MAML1: variants seen among roughly 807,000 people sequenced by gnomAD.
The protein encoded by MAML1 is mastermind like transcriptional coactivator 1, also known as mastermind-like protein 1.
In MAML1, 14 loss-of-function variants were observed where a neutral mutation model predicts 77.1. The observed-to-expected ratio is 0.18, with a 90% CI of 0.12 to 0.28. The LOEUF (loss-of-function observed/expected upper bound fraction) is 0.28. Among genes scored for constraint, MAML1 ranks in the 10% least tolerant of loss-of-function variants. The probability of loss-of-function intolerance (pLI) is 1.00; values close to 1 mark genes in which losing one functional copy is unlikely to be tolerated. For missense variants in MAML1, 1,217 were observed against 1,327.8 expected (o/e 0.92, Z 1.30); for synonymous variants, 516 against 551.9 (o/e 0.93, Z 0.91).
At chr5:179,760,887 C>A (rs532633607) in intron 1 of MAML1, among the ~76,000 whole-genome samples, 2 of 151,544 alleles carry the variant, frequency 1.3e-5, no homozygotes, top group African/African-American at 4.9e-5. Context: ...GTCAGGAGAT[C>A]GAGACCATCC....
At chr5:179,764,985 TA>T (rs200022624) in intron 1 of MAML1, among the ~76,000 whole-genome samples, 12 of 104,392 alleles carry the variant, frequency 1.1e-4, no homozygotes, top group Admixed American at 6.6e-4. Flanking sequence ...TATATATATA[TA>T]ATATATATAT....
Position 179,733,256 on chromosome 5 carries a change from C to T in MAML1, c.144C>T (p.Arg48=). Reference sequence around the variant, plus strand: ...GCTACGAGGCCGTGTCGCCCGAGCGCCTGGAGCTGGAGCGCCAACACACCT... The same window carrying T: ...GCTACGAGGCCGTGTCGCCCGAGCGTCTGGAGCTGGAGCGCCAACACACCT... The part of the protein sequence containing the change: ...EARYEAVSPE[R]LELERQHTFA... The change falls in exon 1 of 5, where the codon CGC becomes CGT. Residue 48 remains arginine, a synonymous_variant. Coordinates refer to ENST00000292599, the MANE Select transcript of MAML1 (RefSeq NM_014757.5). 1 of 1,471,652 alleles carries T rather than the reference C, an allele frequency of 6.8e-7. No homozygotes were observed. Among genetic ancestry groups the T allele is most frequent in the Non-Finnish European group, 9.0e-7 (1 of 1,114,122 alleles). The allele number at this position is 1,471,652 out of a possible 1,614,324, so 91.2% of individuals were successfully genotyped here.
Position 179,776,595 on chromosome 5 carries a change from C to T in MAML1, c.*1718C>T. The stretch of plus-strand genomic sequence containing the variant: ...GAAAATTTCACCCTCTGAGGGAGTT[C>T]CCCAATCTGAAGGGGAAGAGGGTGA... On this transcript the variant is annotated 3_prime_UTR_variant, in exon 5 of 5. Coordinates refer to ENST00000292599, the MANE Select transcript of MAML1 (RefSeq NM_014757.5). The T allele has an allele frequency of 1.0e-6, 1 of 985,640 alleles. No homozygotes were observed. The highest frequency in any genetic ancestry group is 1.2e-6 in the Non-Finnish European group (1 of 829,956). The allele number at this position is 985,640 out of a possible 1,614,324, so 61.1% of individuals were successfully genotyped here.
intron 4 of MAML1, among the ~76,000 whole-genome samples, chr5:179,772,002 C>T (rs1037922539): frequency 1.4e-4 from 21 of 152,198 alleles, no homozygotes; most frequent in African/African-American, 5.1e-4. Flanking sequence ...AATCTGCAGG[C>T]ATTTCAGAAG....
At chr5:179,737,924 G>A (rs1779203914) in intron 1 of MAML1, among the ~76,000 whole-genome samples, 1 of 103,918 alleles carries the variant, frequency 9.6e-6, no homozygotes, top group African/African-American at 2.8e-5. Flanking sequence ...AGCCTCCTGA[G>A]TAGCTGGGAC....
chr5:179,740,245 G>A (rs1311246460), intron 1 of MAML1, among the ~76,000 whole-genome samples: 1 of 152,136 alleles, frequency 6.6e-6, no homozygotes, highest in Non-Finnish European at 1.5e-5. Flanking sequence ...AAGTGCAGTA[G>A]GAAGCAGTAG....
At chr5:179,736,892 C>T (rs978553133) in intron 1 of MAML1, among the ~76,000 whole-genome samples, 8 of 149,712 alleles carry the variant, frequency 5.3e-5, no homozygotes, top group Admixed American at 1.3e-4. Context: ...ACCTGGGAGA[C>T]GGAGGTTACA....
chr5:179,766,014 G>A lies in MAML1; in HGVS notation c.1004G>A (p.Ser335Asn), dbSNP rs1483912330. Residue 335 changes from serine to asparagine, a missense_variant, in exon 2 of 5, where the codon AGT becomes AAT. Coordinates refer to ENST00000292599, the MANE Select transcript of MAML1 (RefSeq NM_014757.5). The surrounding 1 kb of genome is among the most constrained non-coding windows in gnomAD (Gnocchi z 4.0). Reference sequence around the variant, plus strand: ...CTGGGGCCTTCCTCTGCCCCTGTGAGTACAGATTCCCCCAGCCTAGGGGGC... The same window carrying A: ...CTGGGGCCTTCCTCTGCCCCTGTGAATACAGATTCCCCCAGCCTAGGGGGC... Reference protein sequence around the residue: ...TFLGPSSAPVSTDSPSLGGSQ... With the variant: ...TFLGPSSAPVNTDSPSLGGSQ... The A allele has an allele frequency of 1.2e-6, 2 of 1,601,166 alleles. No homozygotes were observed. The highest frequency in any genetic ancestry group is 1.7e-6 in the Non-Finnish European group (2 of 1,175,202).
Position 179,774,523 on chromosome 5 carries a change from G to T in MAML1, c.2697G>T (p.Val899=). The change falls in exon 5 of 5, where the codon GTG becomes GTT. Residue 899 remains valine, a synonymous_variant. Coordinates refer to ENST00000292599, the MANE Select transcript of MAML1 (RefSeq NM_014757.5). ...CTCCCATGAGCTCAGCAGCTGCCGT[G>T]GGGTCCTTGCTACCCCCAGTGAGTG... The part of the protein sequence containing the change: ...PMAPMSSAAA[V]GSLLPPVSAQ... 6.2e-7 allele frequency: 1 copy of T among 1,613,130 alleles called. No individual in the cohort carries two copies. Among genetic ancestry groups the T allele is most frequent in the East Asian group, 2.2e-5 (1 of 44,870 alleles).
In MAML1 at chr5:179,775,440, T is replaced by C; in HGVS notation, c.*563T>C. On this transcript the variant is annotated 3_prime_UTR_variant, in exon 5 of 5. Transcript: ENST00000292599. ...TCCTTTTGATTAAGAGCCTTTTTTG[T>C]TTCTGCTCTTTGTCAGCTTTCAGGG... The C allele has an allele frequency of 1.0e-6, 1 of 985,452 alleles. No individual in the cohort carries two copies. Among genetic ancestry groups the C allele is most frequent in the South Asian group, 4.7e-5 (1 of 21,290 alleles). The allele number at this position is 985,452 out of a possible 1,614,324, so 61.0% of individuals were successfully genotyped here.
chr5:179,757,952 A>G (rs1301662250), intron 1 of MAML1, among the ~76,000 whole-genome samples: 1 of 152,228 alleles, frequency 6.6e-6, no homozygotes, highest in East Asian at 1.9e-4. Context: ...TGCACATAGA[A>G]CTATACACAT....
chr5:179,747,951 CAT>C (rs1229360013), intron 1 of MAML1, among the ~76,000 whole-genome samples: 7 of 151,780 alleles, frequency 4.6e-5, no homozygotes, highest in Non-Finnish European at 1.0e-4. Context: ...AAAATAAACT[CAT>C]AGAAACAGAA....
chr5:179,770,921 C>T (rs1469896026), intron 3 of MAML1: 23 of 443,232 alleles, frequency 5.2e-5, no homozygotes, highest in South Asian at 5.1e-4. Flanking sequence ...CTAACCAGCT[C>T]TCCATTTTTT....
chr5:179,766,230 A>C lies in MAML1; in HGVS notation c.1220A>C (p.Lys407Thr). The C allele has an allele frequency of 6.2e-7, 1 of 1,613,566 alleles. No individual in the cohort carries two copies. The highest frequency in any genetic ancestry group is 1.1e-5 in the South Asian group (1 of 91,004). ...CTCCAGCAGATCGCTGCCAAGCAGA[A>C]GCGCGAGCAGATGCTCCAGAACCCA... ...HQLQQIAAKQ[K>T]REQMLQNPQQ... Residue 407 changes from lysine to threonine, a missense_variant, in exon 2 of 5, where the codon AAG becomes ACG. Physicochemically the swap from Lys to Thr is moderately conservative, Grantham distance 78. Transcript: ENST00000292599. The surrounding 1 kb of genome is among the most constrained non-coding windows in gnomAD (Gnocchi z 4.0).
intron 1 of MAML1, among the ~76,000 whole-genome samples, chr5:179,764,212 TTCTTTG>T (rs1358909020): frequency 4.6e-5 from 7 of 152,194 alleles, no homozygotes; most frequent in South Asian, 2.1e-4. Flanking sequence ...AGGAGCTGTC[TTCTTTG>T]TCTTTATGTT....
At chr5:179,751,704 CAAAAAA>C (rs1313498048) in intron 1 of MAML1, among the ~76,000 whole-genome samples, 1 of 151,250 alleles carries the variant, frequency 6.6e-6, no homozygotes, top group Non-Finnish European at 1.5e-5. Context: ...GACTCCATCT[CAAAAAA>C]AGAAAAAAAT....
rs1755982897 is a variant in MAML1 at position 179,771,299 on chromosome 5, T to G, written c.2068+56T>G. The G allele has an allele frequency of 2.1e-6, 3 of 1,451,718 alleles. No homozygotes were observed. In the African/African-American group the frequency reaches 4.2e-5, roughly 20 times the overall value. 89.9% of individuals were successfully genotyped at this position (1,451,718 alleles called of 1,614,324 possible). A position where few individuals can be genotyped will look rare whatever the true frequency, so the allele number is the denominator to read the frequency against. ...AGGGGAGGCCGCTGCCTGGTGCTGG[T>G]TGAATCCCTGCTGTCTGCCCAGCTC... On this transcript the variant is annotated intron_variant, in intron 4 of 4. Coordinates refer to ENST00000292599, the MANE Select transcript of MAML1 (RefSeq NM_014757.5). The surrounding 1 kb of genome is among the most constrained non-coding windows in gnomAD (Gnocchi z 4.7).
chr5:179,772,273 C>T (rs1756011578), intron 4 of MAML1, among the ~76,000 whole-genome samples: 1 of 152,142 alleles, frequency 6.6e-6, no homozygotes, highest in African/African-American at 2.4e-5. Flanking sequence ...CGCCTGCCAC[C>T]ACGCCCGGCT....
At chr5:179,773,819 T>C (rs1756058698) in intron 4 of MAML1, 76 bp from the exon 5 acceptor site, 5 of 1,532,196 alleles carry the variant, frequency 3.3e-6, no homozygotes, top group East Asian at 2.3e-5. Flanking sequence ...GTGAGACTTC[T>C]GGTGCTGCGG....
Sources: allele counts gnomAD v4.1 joint callset (sites outside exome capture counted in the v4.1 genomes callset), GRCh38; gene constraint gnomAD v4.1.1; non-coding constraint Gnocchi (gnomAD v3.1); transcripts MANE v1.5; gene names NCBI Gene and HGNC (gene_info 2026-07-23, HGNC 2026-07-21).